Variants in PRKCH observed in about 807,000 individuals in gnomAD.
PRKCH encodes protein kinase C eta type.
Under a neutral mutation model 82.5 loss-of-function variants are expected in PRKCH, and 28 were observed. The observed-to-expected ratio is 0.34, with a 90% confidence interval of 0.25 to 0.47. The LOEUF is 0.47. Ranked by LOEUF, PRKCH falls within the 20% of genes least tolerant of loss-of-function variation. The pLI is 1.00. For missense variants in PRKCH, 705 were observed against 881.8 expected (o/e 0.80, Z 2.54); for synonymous variants, 322 against 327.4 (o/e 0.98, Z 0.18).
At chr14:61,512,510 A>G (rs1034914606) in intron 10 of PRKCH, among the ~76,000 whole-genome samples, 1 of 152,078 alleles carries the variant, frequency 6.6e-6, no homozygotes, top group Non-Finnish European at 1.5e-5. Flanking sequence ...TTTGATTTGG[A>G]CTTAAAGGAT....
At chr14:61,376,812 CATTTCTAGCTTTACCTTCTA>C (rs1277452158) in intron 1 of PRKCH, among the ~76,000 whole-genome samples, 2 of 152,234 alleles carry the variant, frequency 1.3e-5, no homozygotes, top group East Asian at 3.8e-4. Flanking sequence ...TCGTCCATTG[CATTTCTAGCTTTACCTTCTA>C]ATTTCTAGCT....
Position 61,461,603 on chromosome 14 carries a change from C to T in PRKCH, c.1278+3924C>T, listed in dbSNP as rs1220303872. 2.0e-5 allele frequency among the ~76,000 whole-genome samples: 3 copies of T among 152,194 alleles called. No homozygotes were observed. In the East Asian group the frequency reaches 5.8e-4, roughly 29 times the overall value. ...TTAGTGAGCTTACCTGGTCTTGCAG[C>T]AGCAATGGTTCCAAGTTACTACTGC... On this transcript the variant is annotated intron_variant, in intron 9 of 13. Coordinates refer to ENST00000332981, the MANE Select transcript of PRKCH (RefSeq NM_006255.5).
At chr14:61,364,920 G>A (rs1011365186) in intron 1 of PRKCH, among the ~76,000 whole-genome samples, 21 of 151,914 alleles carry the variant, frequency 1.4e-4, no homozygotes, top group African/African-American at 4.4e-4. Flanking sequence ...GAAGCAGTTC[G>A]TAGACCTGGA....
At chr14:61,488,884 A>T (rs959341206) in intron 10 of PRKCH, among the ~76,000 whole-genome samples, 6 of 152,124 alleles carry the variant, frequency 3.9e-5, no homozygotes, top group Non-Finnish European at 1.5e-5. Flanking sequence ...CAGTTCTGAG[A>T]ATTGATTTTA....
intron 1 of PRKCH, among the ~76,000 whole-genome samples, chr14:61,382,981 A>G (rs532581935): frequency 6.6e-6 from 1 of 152,350 alleles, no homozygotes; most frequent in African/African-American, 2.4e-5. Flanking sequence ...ATATTTTTAG[A>G]CAACTCTTGT....
At chr14:61,356,972 A>G (rs2046158498) in intron 1 of PRKCH, among the ~76,000 whole-genome samples, 1 of 152,188 alleles carries the variant, frequency 6.6e-6, no homozygotes, top group Non-Finnish European at 1.5e-5. Context: ...ATGAGCCACC[A>G]CACCTGGCCT....
chr14:61,356,150 G>C (rs963113868), intron 1 of PRKCH, among the ~76,000 whole-genome samples: 2 of 152,192 alleles, frequency 1.3e-5, no homozygotes, highest in East Asian at 1.9e-4. Context: ...GGAAGTGGAG[G>C]GGGGTGGCAG....
At chr14:61,429,050 A>G (rs758501635) in intron 2 of PRKCH, among the ~76,000 whole-genome samples, 4 of 152,354 alleles carry the variant, frequency 2.6e-5, no homozygotes, top group Non-Finnish European at 5.9e-5. Context: ...CTTAAAGGAA[A>G]CAAAATTAAA....
At chr14:61,273,751 G>C (rs1297659165) in intron 1 of PRKCH, among the ~76,000 whole-genome samples, 1 of 152,190 alleles carries the variant, frequency 6.6e-6, no homozygotes, top group African/African-American at 2.4e-5. Flanking sequence ...TCAGTGTTTA[G>C]AGTGCCATCT....
intron 12 of PRKCH, among the ~76,000 whole-genome samples, chr14:61,540,599 C>T (rs1391752164): frequency 6.6e-6 from 1 of 152,238 alleles, no homozygotes; most frequent in Non-Finnish European, 1.5e-5. Context: ...ATTTGGAACA[C>T]TTAATGCCTA....
chr14:61,428,096 CAT>C lies in PRKCH; in HGVS notation c.428-15005_428-15004del, dbSNP rs1555386082. 3.7e-3 allele frequency among the ~76,000 whole-genome samples: 395 copies of C among 105,456 alleles called. 1 individual carries two copies. The highest frequency in any genetic ancestry group is 8.8e-3 in the Middle Eastern group (2 of 228). The allele number at this position is 105,456 out of a possible 152,430, so 69.2% of individuals were successfully genotyped here. A position where few individuals can be genotyped will look rare whatever the true frequency, so the allele number is the denominator to read the frequency against. ...ATAGATACACACACACACACACACA[CAT>C]ATATATATACACACATATATATATA... On this transcript the variant is annotated intron_variant, in intron 2 of 13. Transcript: ENST00000332981.
chr14:61,507,160 T>C (rs141172310), intron 10 of PRKCH, among the ~76,000 whole-genome samples: 143 of 152,254 alleles, frequency 9.4e-4, no homozygotes, highest in South Asian at 3.5e-3. Context: ...AAAGAAGATA[T>C]GCACATGGCC....
At chr14:61,381,720 T>G (rs1189132267) in intron 1 of PRKCH, among the ~76,000 whole-genome samples, 1 of 152,208 alleles carries the variant, frequency 6.6e-6, no homozygotes, top group Non-Finnish European at 1.5e-5. Context: ...CCACTCCCAG[T>G]GGCCTTGGCA....
At position 61,207,006 on chromosome 14, in the gene PRKCH, C is replaced by T. The variant is rs1220467041; in HGVS notation, c.-19+19338C>T. On this transcript the variant is annotated intron_variant, in intron 1 of 3. Coordinates refer to the PRKCH transcript ENST00000555185. ...CTTTAATCCCAGCTACTCGGGAGGCCGAGGCAGGAGAATCGCTTGAACCCA... is the reference window on the plus strand; with the variant it reads ...CTTTAATCCCAGCTACTCGGGAGGCTGAGGCAGGAGAATCGCTTGAACCCA... 4.1e-5 allele frequency among the ~76,000 whole-genome samples: 6 copies of T among 144,954 alleles called. No individual in the cohort carries two copies. In the East Asian group the frequency reaches 8.4e-4, roughly 20 times the overall value.
chr14:61,256,950 C>T (rs2045002840), intron 1 of PRKCH, among the ~76,000 whole-genome samples: 1 of 152,184 alleles, frequency 6.6e-6, no homozygotes, highest in African/African-American at 2.4e-5. Context: ...GATTCCTTCA[C>T]TGTGTTTATC....
chr14:61,392,821 G>A (rs1049326534), intron 2 of PRKCH, among the ~76,000 whole-genome samples: 20 of 149,792 alleles, frequency 1.3e-4, no homozygotes, highest in African/African-American at 4.7e-4. Context: ...GGATCACTAA[G>A]ATATTCTCCT....
At chr14:61,491,124 A>C (rs1202750905) in intron 10 of PRKCH, among the ~76,000 whole-genome samples, 1 of 152,078 alleles carries the variant, frequency 6.6e-6, no homozygotes, top group Non-Finnish European at 1.5e-5. Context: ...GATGTCTTTC[A>C]TTTGAGCCTG....
chr14:61,359,486 A>G (rs1420856168), intron 1 of PRKCH, among the ~76,000 whole-genome samples: 1 of 152,330 alleles, frequency 6.6e-6, no homozygotes, highest in Non-Finnish European at 1.5e-5. Flanking sequence ...AACACTTTCT[A>G]TTTGCATAAG....
chr14:61,534,262 C>T (rs539495601), intron 12 of PRKCH, among the ~76,000 whole-genome samples: 7 of 152,194 alleles, frequency 4.6e-5, no homozygotes, highest in African/African-American at 1.7e-4. Flanking sequence ...TATTTGTACA[C>T]CCATGTCCAT....
Sources: gnomAD v4.1 joint callset for allele counts (sites outside exome capture counted in the v4.1 genomes callset) on GRCh38, gnomAD v4.1.1 for gene constraint, MANE v1.5 for transcripts, NCBI Gene and HGNC (gene_info 2026-07-23, HGNC 2026-07-21) for gene names.